The following CDH12 variants were observed in gnomAD, a reference collection of about 807,000 sequenced individuals.
CDH12 encodes cadherin-12.
Under a neutral mutation model 74.1 loss-of-function variants are expected in CDH12, and 41 were observed. The observed-to-expected ratio is 0.55, with a 90% CI of 0.43 to 0.72. The LOEUF is 0.72. CDH12 is among the 30% of genes least tolerant of loss of function. The pLI is 0.00. For synonymous variants in CDH12, 399 were observed against 355.0 expected, an observed-to-expected ratio of 1.12 and a Z score of -1.39; for missense variants, 945 against 977.2, an observed-to-expected ratio of 0.97 and a Z score of 0.44.
chr5:22,116,196 T>G (rs367580614), intron 4 of CDH12, among the ~76,000 whole-genome samples: 2 of 152,126 alleles, frequency 1.3e-5, no homozygotes, highest in Middle Eastern at 3.4e-3. Context: ...GAAAAGGTAG[T>G]GAGAGATTTG....
intron 3 of CDH12, among the ~76,000 whole-genome samples, chr5:22,322,317 A>G (rs1325837429): frequency 6.6e-6 from 1 of 151,960 alleles, no homozygotes; most frequent in African/African-American, 2.4e-5. Flanking sequence ...CAGAAAAGTC[A>G]TCCCTTTAAG....
intron 6 of CDH12, among the ~76,000 whole-genome samples, chr5:21,915,841 TG>T (rs1754066247): frequency 2.0e-5 from 3 of 151,228 alleles, no homozygotes; most frequent in African/African-American, 7.3e-5. Flanking sequence ...TGTGTGTGTG[TG>T]TGTGTGTGTG....
intron 4 of CDH12, among the ~76,000 whole-genome samples, chr5:22,206,393 AT>A (rs35663678): frequency 4.0e-5 from 6 of 151,778 alleles, no homozygotes; most frequent in African/African-American, 7.2e-5. Flanking sequence ...TACCTGGGAA[AT>A]TTTTTTTTAA....
intron 1 of CDH12, among the ~76,000 whole-genome samples, chr5:22,685,955 A>G (rs949104343): frequency 1.3e-5 from 2 of 152,196 alleles, no homozygotes; most frequent in Admixed American, 6.5e-5. Context: ...TAGTTGGCAT[A>G]TTGAAGAACC....
intron 3 of CDH12, among the ~76,000 whole-genome samples, chr5:22,220,374 T>G (rs1334528166): frequency 3.3e-5 from 5 of 151,274 alleles, no homozygotes; most frequent in African/African-American, 9.6e-5. Flanking sequence ...GTCCCATAAA[T>G]GAATGCATCT....
chr5:22,304,574 T>C (rs567185968), intron 3 of CDH12, among the ~76,000 whole-genome samples: 51 of 152,330 alleles, frequency 3.3e-4, no homozygotes, highest in African/African-American at 1.1e-3. Context: ...AATGCCTATA[T>C]AGGAGACATG....
At chr5:21,961,226 T>C (rs1020311016) in intron 6 of CDH12, among the ~76,000 whole-genome samples, 8 of 152,190 alleles carry the variant, frequency 5.3e-5, no homozygotes, top group African/African-American at 1.2e-4. Context: ...CTGTTATCAG[T>C]TGTATAAACA....
chr5:22,505,787 G>T (rs2126663469), intron 1 of CDH12, among the ~76,000 whole-genome samples: 1 of 152,182 alleles, frequency 6.6e-6, no homozygotes, highest in South Asian at 2.1e-4. Flanking sequence ...TGAACGTTTT[G>T]AAAAGCAATG....
intron 1 of CDH12, among the ~76,000 whole-genome samples, chr5:22,826,932 T>A (rs747810603): frequency 2.6e-5 from 4 of 152,128 alleles, no homozygotes; most frequent in Non-Finnish European, 5.9e-5. Context: ...TGAGGAGAAA[T>A]TCAAGCTGGA....
At chr5:21,928,131 A>G (rs1561305725) in intron 6 of CDH12, among the ~76,000 whole-genome samples, 1 of 152,204 alleles carries the variant, frequency 6.6e-6, no homozygotes, top group Non-Finnish European at 1.5e-5. Context: ...AACAATGATG[A>G]AAACATTTGA....
chr5:21,914,197 C>T lies in CDH12; in HGVS notation c.527-59407G>A, dbSNP rs141737912. On this transcript the variant is annotated intron_variant, in intron 6 of 14. Coordinates refer to ENST00000382254, the MANE Select transcript of CDH12 (RefSeq NM_004061.5). ...GGCTTTTGACGTGAAAAACCTGAGA[C>T]GGAATGACTGAATCCTTTTGCTTTT... 4.4e-3 allele frequency among the ~76,000 whole-genome samples: 675 copies of T among 152,204 alleles called. 6 individuals carry two copies. The highest frequency in any genetic ancestry group is 0.015 in the African/African-American group (632 of 41,550).
At chr5:22,301,071 G>GAC (rs1737861664) in intron 3 of CDH12, among the ~76,000 whole-genome samples, 3 of 142,100 alleles carry the variant, frequency 2.1e-5, no homozygotes, top group African/African-American at 7.7e-5. Flanking sequence ...ATTAAAAATT[G>GAC]TGTGGATTTT....
At chr5:21,810,209 T>A (rs1747673426) in intron 9 of CDH12, among the ~76,000 whole-genome samples, 1 of 152,172 alleles carries the variant, frequency 6.6e-6, no homozygotes, top group Non-Finnish European at 1.5e-5. Context: ...TTAAGTAAGA[T>A]GAACATGTTT....
At chr5:22,410,168 C>T (rs975265703) in intron 2 of CDH12, among the ~76,000 whole-genome samples, 4 of 151,988 alleles carry the variant, frequency 2.6e-5, no homozygotes, top group Non-Finnish European at 5.9e-5. Flanking sequence ...TGACCTTCTC[C>T]TGCCCTCCTG....
At chr5:22,322,427 T>A (rs1043833243) in intron 3 of CDH12, among the ~76,000 whole-genome samples, 1 of 151,204 alleles carries the variant, frequency 6.6e-6, no homozygotes, top group African/African-American at 2.4e-5. Context: ...CAAGAAAAAA[T>A]TCTCTTGTGA....
At chr5:22,851,967 G>T (rs1296875458) in intron 1 of CDH12, among the ~76,000 whole-genome samples, 1 of 152,146 alleles carries the variant, frequency 6.6e-6, no homozygotes, top group Non-Finnish European at 1.5e-5. Flanking sequence ...ATACAGTGAA[G>T]ATCAAGCAAA....
intron 6 of CDH12, among the ~76,000 whole-genome samples, chr5:21,906,863 G>A (rs1753664178): frequency 6.6e-6 from 1 of 152,106 alleles, no homozygotes; most frequent in Admixed American, 6.6e-5. Flanking sequence ...TACATGTAGA[G>A]ACGAAGTCTC....
At chr5:21,988,299 C>T (rs1276455835) in intron 5 of CDH12, among the ~76,000 whole-genome samples, 4 of 151,862 alleles carry the variant, frequency 2.6e-5, no homozygotes, top group African/African-American at 9.7e-5. Context: ...GGAGACCAAC[C>T]TGGCCAACAT....
intron 6 of CDH12, chr5:21,889,945 A>C (rs1752822794): frequency 1.7e-6 from 1 of 594,304 alleles, no homozygotes; most frequent in Admixed American, 6.3e-5. Context: ...AGGTAAAAAA[A>C]CATCAGCTGT....
Sources: allele counts gnomAD v4.1 joint callset (sites outside exome capture counted in the v4.1 genomes callset), GRCh38; gene constraint gnomAD v4.1.1; transcripts MANE v1.5; gene names NCBI Gene and HGNC (gene_info 2026-07-23, HGNC 2026-07-21).